PDE4D: variants seen among roughly 807,000 people sequenced by gnomAD.
PDE4D encodes phosphodiesterase 4D, also known as 3',5'-cyclic-AMP phosphodiesterase 4D.
In PDE4D, 24 loss-of-function variants were observed where a neutral mutation model predicts 87.4. That is an observed-to-expected ratio of 0.27 (90% confidence interval 0.20 to 0.39). The LOEUF is 0.39. PDE4D is among the 10% of genes least tolerant of loss of function. The pLI is 1.00. For missense variants in PDE4D, 714 were observed against 1,041.0 expected, an observed-to-expected ratio of 0.69 and a Z score of 4.32; for synonymous variants, 384 against 383.2, an observed-to-expected ratio of 1.00 and a Z score of -0.02.
At chr5:59,155,616 ATTGTTT>A (rs1279066689) in intron 5 of PDE4D, among the ~76,000 whole-genome samples, 3 of 152,170 alleles carry the variant, frequency 2.0e-5, no homozygotes, top group African/African-American at 7.2e-5. Context: ...TTTGCTGTGT[ATTGTTT>A]TTAAGATTGT....
At chr5:59,150,514 C>A (rs1411592699) in intron 5 of PDE4D, among the ~76,000 whole-genome samples, 1 of 152,118 alleles carries the variant, frequency 6.6e-6, no homozygotes, top group Non-Finnish European at 1.5e-5. Context: ...CTGTCCTGGA[C>A]CCTAGATTAT....
intron 1 of PDE4D, among the ~76,000 whole-genome samples, chr5:59,273,420 T>C (rs1764225191): frequency 6.9e-6 from 1 of 144,610 alleles, no homozygotes; most frequent in Non-Finnish European, 1.6e-5. Context: ...ATTTTATACA[T>C]GTAATTAAAT....
chr5:60,448,237 C>A (rs1745809280), intron 1 of PDE4D, among the ~76,000 whole-genome samples: 1 of 152,050 alleles, frequency 6.6e-6, no homozygotes. Context: ...ATACATTAAA[C>A]CATATGTGAC....
intron 1 of PDE4D, among the ~76,000 whole-genome samples, chr5:59,556,025 A>T (rs1365064761): frequency 6.6e-6 from 1 of 152,078 alleles, no homozygotes. Context: ...ATTTCTCTAA[A>T]TGTATCTCAA....
At chr5:59,665,983 CAG>C (rs1424732108) in intron 1 of PDE4D, among the ~76,000 whole-genome samples, 1 of 152,150 alleles carries the variant, frequency 6.6e-6, no homozygotes, top group East Asian at 1.9e-4. Context: ...GTTTTTGAGA[CAG>C]AGTCTCCCTC....
chr5:59,084,561 G>A (rs1445765051), intron 5 of PDE4D, among the ~76,000 whole-genome samples: 2 of 151,780 alleles, frequency 1.3e-5, no homozygotes, highest in African/African-American at 2.4e-5. Context: ...TAAATGAAAA[G>A]TTAATATTCT....
intron 3 of PDE4D, among the ~76,000 whole-genome samples, chr5:59,932,127 C>T (rs1354004130): frequency 6.6e-6 from 1 of 152,180 alleles, no homozygotes; most frequent in Admixed American, 6.5e-5. Flanking sequence ...AGAAACCATC[C>T]ACATTCAGGT....
intron 1 of PDE4D, among the ~76,000 whole-genome samples, chr5:59,688,792 T>A (rs1341589732): frequency 1.3e-5 from 2 of 152,122 alleles, no homozygotes; most frequent in Admixed American, 1.3e-4. Context: ...GCTGGTATTT[T>A]GAAAAGATCA....
At chr5:59,610,328 A>G (rs1371981882) in intron 1 of PDE4D, among the ~76,000 whole-genome samples, 1 of 152,224 alleles carries the variant, frequency 6.6e-6, no homozygotes, top group African/African-American at 2.4e-5. Context: ...CCTAATTTAT[A>G]TCTACCAGCT....
chr5:60,351,961 A>G (rs953605492), intron 1 of PDE4D, among the ~76,000 whole-genome samples: 2 of 146,684 alleles, frequency 1.4e-5, no homozygotes, highest in Admixed American at 6.8e-5. Flanking sequence ...GTGCACCACC[A>G]CACCCGGCTT....
chr5:60,500,598 AT>A (rs1365945795), intron 1 of PDE4D, among the ~76,000 whole-genome samples: 1 of 152,234 alleles, frequency 6.6e-6, no homozygotes, highest in African/African-American at 2.4e-5. Context: ...CACACATGTC[AT>A]TTTAAATAAC....
intron 1 of PDE4D, among the ~76,000 whole-genome samples, chr5:59,798,455 C>T (rs1218042069): frequency 1.3e-5 from 2 of 151,978 alleles, no homozygotes; most frequent in African/African-American, 2.4e-5. Context: ...TGAGCACTTG[C>T]GTAGTTCTGG....
chr5:59,020,697 G>C (rs1208042485), intron 6 of PDE4D, among the ~76,000 whole-genome samples: 1 of 151,252 alleles, frequency 6.6e-6, no homozygotes, highest in East Asian at 1.9e-4. Flanking sequence ...TAAAAGGAAA[G>C]AGACTTCTCT....
At chr5:60,220,730 G>A (rs1327292060) in intron 1 of PDE4D, among the ~76,000 whole-genome samples, 1 of 151,984 alleles carries the variant, frequency 6.6e-6, no homozygotes, top group Admixed American at 6.6e-5. Flanking sequence ...ATTCTTTAAG[G>A]CTCAATTCAG....
chr5:58,972,700 G>A lies in PDE4D; in HGVS notation c.*1964C>T, dbSNP rs1243271258. The A allele has an allele frequency of 2.6e-5, 4 of 152,134 alleles. No homozygotes were observed. The highest frequency in any genetic ancestry group is 4.4e-5 in the Non-Finnish European group (3 of 68,032). 9.4% of individuals were successfully genotyped at this position (152,134 alleles called of 1,614,324 possible). A position where few individuals can be genotyped will look rare whatever the true frequency, so the allele number is the denominator to read the frequency against. On this transcript the variant is annotated 3_prime_UTR_variant, in exon 15 of 15. Transcript: ENST00000340635. ...GGGCTTTAAAGTCTTCATAGAGAAGGTAAAGAAGACTTTATTAAGGCTGAC... is the reference window on the plus strand; with the variant it reads ...GGGCTTTAAAGTCTTCATAGAGAAGATAAAGAAGACTTTATTAAGGCTGAC...
intron 3 of PDE4D, among the ~76,000 whole-genome samples, chr5:59,974,728 C>T (rs7379748): frequency 0.62 from 94,799 of 152,048 alleles, 32,169 homozygotes; most frequent in East Asian, 0.83. Context: ...CTCAGACAAC[C>T]ACCTGATACA....
chr5:59,848,129 T>G (rs781526094), intron 1 of PDE4D, among the ~76,000 whole-genome samples: 8 of 151,986 alleles, frequency 5.3e-5, no homozygotes, highest in Non-Finnish European at 1.0e-4. Flanking sequence ...CCTAAAGCTA[T>G]TTTTTTATTT....
chr5:59,668,852 GAAGAAGAAGAAGAAGAAGAA>G (rs1746621931), intron 1 of PDE4D, among the ~76,000 whole-genome samples: 13 of 51,844 alleles, frequency 2.5e-4, no homozygotes, highest in African/African-American at 1.1e-3. Flanking sequence ...AGAGGAAGAA[GAAGAAGAAGAAGAAGAAGAA>G]GAAGAAGAAG....
Position 59,651,747 on chromosome 5 carries a change from A to T in PDE4D, c.455+241421T>A, listed in dbSNP as rs1396742986. 2.0e-5 allele frequency among the ~76,000 whole-genome samples: 3 copies of T among 152,216 alleles called. No homozygotes were observed. The East Asian group carries it at 5.8e-4, about 29-fold the overall frequency. On this transcript the variant is annotated intron_variant, in intron 1 of 14. Transcript: ENST00000340635. Reference sequence around the variant, plus strand: ...AGAAGCACTAGATTAGGAGACAGAAAGAAAGAAAAAAAGATAGAATAAAAG... The same window carrying T: ...AGAAGCACTAGATTAGGAGACAGAATGAAAGAAAAAAAGATAGAATAAAAG...
Sources: allele counts gnomAD v4.1 joint callset (sites outside exome capture counted in the v4.1 genomes callset), GRCh38; gene constraint gnomAD v4.1.1; transcripts MANE v1.5; gene names NCBI Gene and HGNC (gene_info 2026-07-23, HGNC 2026-07-21).